Variants in FLOT2 observed in about 807,000 individuals in gnomAD.
FLOT2 encodes flotillin 2.
In FLOT2, 35 loss-of-function variants were observed where a neutral mutation model predicts 54.9. That is an observed-to-expected ratio of 0.64 (90% CI 0.49 to 0.84). The LOEUF is 0.84. Ranked by LOEUF, FLOT2 falls within the 40% of genes least tolerant of loss-of-function variation. FLOT2 has a pLI of 0.00. For missense variants in FLOT2, 464 were observed against 572.1 expected (o/e 0.81, Z 1.93); for synonymous variants, 207 against 228.9 (o/e 0.90, Z 0.86).
Position 28,883,056 on chromosome 17 carries a change from G to GC in FLOT2, c.346+51dup. On this transcript the variant is annotated intron_variant, in intron 4 of 10. Coordinates refer to ENST00000394908, the MANE Select transcript of FLOT2 (RefSeq NM_004475.3). This position sits in a 1 kb window ranked among gnomAD's most constrained non-coding sequence, Gnocchi z 5.0. ...CCTGCCCAGCCCTGCACACCTCCCT[G>GC]CCTTGGCTTAGGGGCCCCGTGAGGC... 1.2e-6 allele frequency: 2 copies of GC among 1,601,904 alleles called. No individual in the cohort carries two copies. The highest frequency in any genetic ancestry group is 1.7e-6 in the Non-Finnish European group (2 of 1,170,530).
At position 28,879,870 on chromosome 17, in the gene FLOT2, G is replaced by A; in HGVS notation, c.*691C>T. On this transcript the variant is annotated 3_prime_UTR_variant, in exon 11 of 11. Transcript: ENST00000394908. Reference sequence around the variant, plus strand: ...TGAGCACAAGCAGGGGCCTCCTAAGGCAGTAGGAAACTGAGGAAGCTGCTG... The same window carrying A: ...TGAGCACAAGCAGGGGCCTCCTAAGACAGTAGGAAACTGAGGAAGCTGCTG... The A allele has an allele frequency of 1.0e-6, 1 of 986,076 alleles. No individual in the cohort carries two copies. The highest frequency in any genetic ancestry group is 1.7e-5 in the African/African-American group (1 of 57,384). 61.1% of individuals were successfully genotyped at this position (986,076 alleles called of 1,614,324 possible). A position where few individuals can be genotyped will look rare whatever the true frequency, so the allele number is the denominator to read the frequency against.
chr17:28,888,077 G>T (rs1015200892), intron 2 of FLOT2, among the ~76,000 whole-genome samples: 3 of 152,240 alleles, frequency 2.0e-5, no homozygotes, highest in African/African-American at 7.2e-5. Context: ...TTTCCCCTGT[G>T]GGGTGACCGA....
chr17:28,881,155 A>C, intron 9 of FLOT2, 37 bp downstream of exon 9: 1 of 1,585,992 alleles, frequency 6.3e-7, no homozygotes. Context: ...AAGCAAGGAC[A>C]CTTGAACCCT....
chr17:28,894,985 C>G (rs937007589), intron 1 of FLOT2, among the ~76,000 whole-genome samples: 6 of 148,042 alleles, frequency 4.1e-5, no homozygotes, highest in Non-Finnish European at 7.4e-5. Flanking sequence ...GATCTTGGCT[C>G]AATGCATCCT....
At position 28,882,464 on chromosome 17, in the gene FLOT2, G is replaced by T. The variant is rs371970127; in HGVS notation, c.466-14C>A. On this transcript the variant is annotated splice_polypyrimidine_tract_variant and intron_variant, in intron 5 of 10. Transcript: ENST00000394908. The surrounding 1 kb of genome is among the most constrained non-coding windows in gnomAD (Gnocchi z 5.6). ...GTCATACACGTCCTGGGGAGGGAAGGGGGTATCAGAGGCTCAAAGGAGCAG... is the reference window on the plus strand; with the variant it reads ...GTCATACACGTCCTGGGGAGGGAAGTGGGTATCAGAGGCTCAAAGGAGCAG... 2 of 1,611,504 alleles carry T rather than the reference G, an allele frequency of 1.2e-6. No individual in the cohort carries two copies. Among genetic ancestry groups the T allele is most frequent in the South Asian group, 1.1e-5 (1 of 91,044 alleles).
intron 8 of FLOT2, 107 bp from the exon 9 acceptor site, chr17:28,881,482 GGTGGGAGACATTGGAACGGA>G: frequency 8.4e-7 from 1 of 1,195,954 alleles, no homozygotes. Context: ...GGGCTGTCGG[GGTGGGAGACATTGGAACGGA>G]GTGGGGTGGC....
intron 2 of FLOT2, chr17:28,885,780 C>T (rs1402575281): frequency 2.9e-5 from 27 of 935,330 alleles, no homozygotes; most frequent in East Asian, 5.2e-5. Context: ...GGGAGTCCAT[C>T]GGCTCCTGTC....
chr17:28,890,341 T>G (rs967276893), intron 1 of FLOT2, among the ~76,000 whole-genome samples: 6 of 152,168 alleles, frequency 3.9e-5, no homozygotes, highest in Admixed American at 3.3e-4. Context: ...TGTAGACATG[T>G]TCTATATGTT....
At chr17:28,890,862 CTTTTT>C (rs869029497) in intron 1 of FLOT2, among the ~76,000 whole-genome samples, 2 of 74,958 alleles carry the variant, frequency 2.7e-5, no homozygotes, top group Admixed American at 1.3e-4. Flanking sequence ...ATCATTTCTT[CTTTTT>C]TTTTTTTTTT....
chr17:28,882,278 A>G lies in FLOT2; in HGVS notation c.580-41T>C. The G allele has an allele frequency of 6.2e-7, 1 of 1,614,054 alleles. No homozygotes were observed. Among genetic ancestry groups the G allele is most frequent in the Non-Finnish European group, 8.5e-7 (1 of 1,179,988 alleles). ...GCAGAAGGGGAAGGTGAGTGAGTAG[A>G]GGTCCTGAGTCATCATGGTCCCATC... On this transcript the variant is annotated intron_variant, in intron 6 of 10. Coordinates refer to ENST00000394908, the MANE Select transcript of FLOT2 (RefSeq NM_004475.3). This position sits in a 1 kb window ranked among gnomAD's most constrained non-coding sequence, Gnocchi z 5.6.
chr17:28,881,149 A>G (rs2039439677), intron 9 of FLOT2, 43 bp downstream of exon 9: 1 of 1,568,896 alleles, frequency 6.4e-7, no homozygotes, highest in Non-Finnish European at 8.7e-7. Flanking sequence ...CTTGTCAAGC[A>G]AGGACACTTG....
At chr17:28,893,840 T>G (rs2039693690) in intron 1 of FLOT2, among the ~76,000 whole-genome samples, 1 of 152,238 alleles carries the variant, frequency 6.6e-6, no homozygotes, top group Non-Finnish European at 1.5e-5. Context: ...TCACTCTGAC[T>G]ACCAGTGCAT....
intron 2 of FLOT2, 83 bp downstream of exon 2, chr17:28,888,862 C>G: frequency 9.1e-7 from 1 of 1,103,032 alleles, no homozygotes; most frequent in Non-Finnish European, 1.4e-6. Flanking sequence ...CTAGCTGACC[C>G]TCAGAGTGAA....
In FLOT2 at chr17:28,879,669, G is replaced by A; in HGVS notation, c.*892C>T. ...CAGCACTCGATTCTGTACAGGGTTG[G>A]CACAGCCTTGTCCACCAGAAGGGCC... On this transcript the variant is annotated 3_prime_UTR_variant, in exon 11 of 11. Transcript: ENST00000394908. 1 of 986,060 alleles carries A rather than the reference G, an allele frequency of 1.0e-6. No individual in the cohort carries two copies. The highest frequency in any genetic ancestry group is 1.2e-6 in the Non-Finnish European group (1 of 830,098). 61.1% of individuals were successfully genotyped at this position (986,060 alleles called of 1,614,324 possible).
At chr17:28,893,897 C>T (rs754321077) in intron 1 of FLOT2, among the ~76,000 whole-genome samples, 6 of 152,376 alleles carry the variant, frequency 3.9e-5, no homozygotes, top group Non-Finnish European at 7.3e-5. Flanking sequence ...AATCACGACC[C>T]TTTCATGTGA....
At position 28,886,058 on chromosome 17, in the gene FLOT2, C is replaced by CGGGGGGGGGG. The variant is rs57069941; in HGVS notation, c.132-1744_132-1743insCCCCCCCCCC. ...AGCACCGATGCCTGACGCCTGGGGG[C>CGGGGGGGGGG]GGGGGGGGGCATGCTGTCAGTAATC... On this transcript the variant is annotated intron_variant, in intron 2 of 10. Coordinates refer to ENST00000394908, the MANE Select transcript of FLOT2 (RefSeq NM_004475.3). 7.3e-4 allele frequency: 348 copies of CGGGGGGGGGG among 474,226 alleles called. 21 individuals are homozygous for CGGGGGGGGGG. The highest frequency in any genetic ancestry group is 1.4e-3 in the South Asian group (60 of 43,118). 29.4% of individuals were successfully genotyped at this position (474,226 alleles called of 1,614,324 possible).
In FLOT2 at chr17:28,882,052, C is replaced by T; in HGVS notation, c.700-24G>A. On this transcript the variant is annotated intron_variant, in intron 7 of 10. Transcript: ENST00000394908. The surrounding 1 kb of genome is among the most constrained non-coding windows in gnomAD (Gnocchi z 5.6). Reference sequence around the variant, plus strand: ...GTCTGTGGCAAGAGGGTGTGTGGCACATTAGAGGCTGGTCACCAAGTCCTG... The same window carrying T: ...GTCTGTGGCAAGAGGGTGTGTGGCATATTAGAGGCTGGTCACCAAGTCCTG... 6.2e-7 allele frequency: 1 copy of T among 1,614,058 alleles called. No individual in the cohort carries two copies. The highest frequency in any genetic ancestry group is 8.5e-7 in the Non-Finnish European group (1 of 1,179,942).
At chr17:28,889,135 C>A in intron 1 of FLOT2, 109 bp from the exon 2 acceptor site, 1 of 833,740 alleles carries the variant, frequency 1.2e-6, no homozygotes, top group South Asian at 1.5e-5. Context: ...CTTGACAACG[C>A]CTACTGTTGG....
chr17:28,881,332 G>T lies in FLOT2; in HGVS notation c.958C>A (p.Arg320Ser), dbSNP rs369702593. The T allele has an allele frequency of 3.7e-5, 59 of 1,613,458 alleles. No individual in the cohort carries two copies. The highest frequency in any genetic ancestry group is 3.4e-5 in the Non-Finnish European group (40 of 1,180,010). The change falls in exon 9 of 11, where the codon CGC becomes AGC. Residue 320 changes from arginine to serine, a missense_variant. Transcript: ENST00000394908. ...GCCGCTTCCGCCTCCCCGATTTTGC[G>T]GATCTTCTCAGCCTCTGCCTGTGCC... is the stretch of plus-strand genomic sequence containing the variant. The part of the protein sequence containing the change: ...LLAQAEAEKI[R>S]KIGEAEAAVI...
Sources: allele counts gnomAD v4.1 joint callset (sites outside exome capture counted in the v4.1 genomes callset), GRCh38; gene constraint gnomAD v4.1.1; non-coding constraint Gnocchi (gnomAD v3.1); transcripts MANE v1.5; gene names NCBI Gene and HGNC (gene_info 2026-07-23, HGNC 2026-07-21).